ZBTB25: variants seen among roughly 807,000 people sequenced by gnomAD.
ZBTB25 encodes zinc finger and BTB domain-containing protein 25.
A neutral mutation model predicts 34.2 loss-of-function variants in ZBTB25; 20 were observed. That is an observed-to-expected ratio of 0.58 (90% CI 0.41 to 0.85). The LOEUF is 0.85. Among genes scored for constraint, ZBTB25 ranks in the 40% least tolerant of loss-of-function variants. The pLI is 0.00. For synonymous variants in ZBTB25, 175 were observed against 186.4 expected (o/e 0.94, Z 0.50); for missense variants, 437 against 521.8 (o/e 0.84, Z 1.58).
At chr14:64,461,421 A>G (rs2078553199) in intron 2 of ZBTB25, 1 of 152,142 alleles carries the variant, frequency 6.6e-6, no homozygotes, top group Admixed American at 6.6e-5. Context: ...GTTGGTACCT[A>G]CCTCGTGAGG....
intron 1 of ZBTB25, among the ~76,000 whole-genome samples, chr14:64,495,801 A>G (rs1382611408): frequency 6.6e-6 from 1 of 152,074 alleles, no homozygotes; most frequent in African/African-American, 2.4e-5. Context: ...TACTAAAAAT[A>G]CAAAATTAGC....
At position 64,452,083 on chromosome 14, in the gene ZBTB25, G is replaced by A. The variant is rs147438414; in HGVS notation, c.174-2445C>T. On this transcript the variant is annotated intron_variant, in intron 2 of 2. Coordinates refer to the ZBTB25 transcript ENST00000555220. ...AGCTGAGGTGGGTGGATCACCTAAG[G>A]TCAGGAGTTCGAGACCAGCCTGACC... Among the ~76,000 whole-genome samples the A allele has an allele frequency of 3.1e-3, 474 of 152,278 alleles. 4 individuals are homozygous for A. Among genetic ancestry groups the A allele is most frequent in the African/African-American group, 0.011 (457 of 41,566 alleles).
At chr14:64,496,648 A>G (rs2079288106) in intron 1 of ZBTB25, among the ~76,000 whole-genome samples, 1 of 152,248 alleles carries the variant, frequency 6.6e-6, no homozygotes, top group Admixed American at 6.5e-5. Flanking sequence ...TTTTTCAAAA[A>G]CAAGTGAGAA....
At position 64,490,252 on chromosome 14, in the gene ZBTB25, T is replaced by G. The variant is rs530957869; in HGVS notation, c.173+109A>C. ...AAAAAAAAAAAAAAAAAATTATAATTTTACTTCTTAGTGTGACTCCGTAAC... is the reference window on the plus strand; with the variant it reads ...AAAAAAAAAAAAAAAAAATTATAATGTTACTTCTTAGTGTGACTCCGTAAC... On this transcript the variant is annotated intron_variant, in intron 2 of 2. Transcript: ENST00000608382. 226 of 598,572 alleles carry G rather than the reference T, an allele frequency of 3.8e-4. No homozygotes were observed. The African/African-American group carries it at 4.3e-3, about 12-fold the overall frequency. The allele number at this position is 598,572 out of a possible 1,614,324, so 37.1% of individuals were successfully genotyped here. A position where few individuals can be genotyped will look rare whatever the true frequency, so the allele number is the denominator to read the frequency against.
chr14:64,499,828 C>T (rs954049112), intron 1 of ZBTB25, among the ~76,000 whole-genome samples: 3 of 152,150 alleles, frequency 2.0e-5, no homozygotes, highest in Non-Finnish European at 2.9e-5. Flanking sequence ...TTAAGATCTA[C>T]TGAGAATGTT....
At chr14:64,459,684 G>A (rs113880270) in intron 2 of ZBTB25, 30,192 of 1,274,106 alleles carry the variant, frequency 0.024, 431 homozygotes, top group Middle Eastern at 0.038. Flanking sequence ...GTGGGTAATG[G>A]TGCAGTATGG....
intron 2 of ZBTB25, chr14:64,453,765 G>T: frequency 6.2e-7 from 1 of 1,605,588 alleles, no homozygotes; most frequent in Non-Finnish European, 8.5e-7. Flanking sequence ...TCCCAGTTGA[G>T]GATAAAATCA....
chr14:64,449,396 G>A (rs1407255571), exon 3 of ZBTB25: 1 of 1,592,500 alleles, frequency 6.3e-7, no homozygotes, highest in African/African-American at 1.3e-5. Flanking sequence ...AGACAATTCT[G>A]TCTCTCCAGC....
chr14:64,502,486 T>A (rs533178048), intron 1 of ZBTB25: 35 of 221,942 alleles, frequency 1.6e-4, no homozygotes, highest in Admixed American at 2.6e-4. Flanking sequence ...ATGCTGCAAA[T>A]AATAGAGAAC....
At position 64,487,426 on chromosome 14, in the gene ZBTB25, C is replaced by A. The variant is rs1400946253; in HGVS notation, c.805G>T (p.Val269Phe). 6.2e-7 allele frequency: 1 copy of A among 1,614,090 alleles called. No individual in the cohort carries two copies. The highest frequency in any genetic ancestry group is 1.7e-5 in the Admixed American group (1 of 60,004). The stretch of plus-strand genomic sequence containing the variant: ...TTACTTTCCAGAATGGAAGCAGGGA[C>A]ACCGAATGGCAGGGATCCAGACACA... ...THVSGSLPFG[V>F]PASILESNDL... Residue 269 changes from valine to phenylalanine, a missense_variant, in exon 3 of 3, where the codon GTC (valine) becomes TTC (phenylalanine). Val to Phe is a conservative substitution (Grantham distance 50). Transcript: ENST00000608382.
chr14:64,502,476 A>G (rs1334429920), intron 1 of ZBTB25: 3 of 198,956 alleles, frequency 1.5e-5, no homozygotes, highest in African/African-American at 7.1e-5. Flanking sequence ...GAAGCAACCA[A>G]TGCTGCAAAT....
intron 1 of ZBTB25, among the ~76,000 whole-genome samples, chr14:64,497,442 T>C (rs2079316656): frequency 6.6e-6 from 1 of 152,210 alleles, no homozygotes; most frequent in Non-Finnish European, 1.5e-5. Flanking sequence ...GAAGTTACAT[T>C]TGAGAATTTC....
chr14:64,504,849 C>G (rs1201186522), upstream of ZBTB25: 2 of 396,298 alleles, frequency 5.0e-6, no homozygotes, highest in Non-Finnish European at 8.9e-6. Flanking sequence ...GCCGCCGCCA[C>G]TGCAGCTCGC....
intron 2 of ZBTB25, among the ~76,000 whole-genome samples, chr14:64,465,253 C>T (rs771890153): frequency 1.3e-5 from 2 of 151,974 alleles, no homozygotes; most frequent in African/African-American, 2.4e-5. Flanking sequence ...CCGGCTGGCT[C>T]TCTTGCGGTC....
chr14:64,467,695 T>C (rs974339983), intron 2 of ZBTB25: 2 of 152,078 alleles, frequency 1.3e-5, no homozygotes, highest in Non-Finnish European at 2.9e-5. Context: ...AGTTCAGTTT[T>C]GTCATCTGGC....
chr14:64,457,459 C>T (rs1366380909), intron 2 of ZBTB25, among the ~76,000 whole-genome samples: 1 of 143,192 alleles, frequency 7.0e-6, no homozygotes, highest in Non-Finnish European at 1.5e-5. Context: ...TTTTCTTTTC[C>T]TTTTTTTTTT....
downstream of ZBTB25, among the ~76,000 whole-genome samples, chr14:64,475,146 TA>T (rs1051899905): frequency 6.6e-6 from 1 of 152,084 alleles, no homozygotes; most frequent in African/African-American, 2.4e-5. Context: ...GCAGGATTTT[TA>T]AAAGTTTTAT....
chr14:64,498,733 G>A (rs899137097), intron 1 of ZBTB25, among the ~76,000 whole-genome samples: 7 of 151,686 alleles, frequency 4.6e-5, no homozygotes, highest in South Asian at 2.1e-4. Flanking sequence ...TCCCGGGTTC[G>A]CGCCATTCTC....
exon 3 of ZBTB25, chr14:64,449,606 T>A: frequency 6.2e-7 from 1 of 1,614,086 alleles, no homozygotes; most frequent in South Asian, 1.1e-5. Context: ...AGCTTCCAGC[T>A]CCTTTATGAC....
Sources: allele counts gnomAD v4.1 joint callset (sites outside exome capture counted in the v4.1 genomes callset), GRCh38; gene constraint gnomAD v4.1.1; transcripts MANE v1.5; gene names NCBI Gene and HGNC (gene_info 2026-07-23, HGNC 2026-07-21).